The following PTPRD variants were observed in gnomAD, a reference collection of about 807,000 sequenced individuals.
The protein encoded by PTPRD is protein tyrosine phosphatase receptor type D, also known as receptor-type tyrosine-protein phosphatase delta.
In PTPRD, 34 loss-of-function variants were observed where a neutral mutation model predicts 214.5. The ratio of observed to expected loss-of-function variants is 0.16; its 90% CI spans 0.12 to 0.21. The LOEUF (loss-of-function observed/expected upper bound fraction) is 0.21, where lower values mean the gene tolerates loss of function less well. Ranked by LOEUF, PTPRD falls within the 10% of genes least tolerant of loss-of-function variation. PTPRD has a pLI of 1.00. For synonymous variants in PTPRD, 1,128 were observed against 845.7 expected (o/e 1.33, Z -5.79); for missense variants, 2,545 against 2,398.7 (o/e 1.06, Z -1.27).
At chr9:10,278,313 G>C (rs1023135020) in intron 3 of PTPRD, among the ~76,000 whole-genome samples, 2 of 152,150 alleles carry the variant, frequency 1.3e-5, no homozygotes, top group African/African-American at 4.8e-5. Flanking sequence ...ACATATGATA[G>C]TCTATGCCTG....
chr9:9,453,652 T>C (rs1176118005), intron 8 of PTPRD, among the ~76,000 whole-genome samples: 5 of 151,756 alleles, frequency 3.3e-5, no homozygotes, highest in African/African-American at 9.7e-5. Context: ...TTGTTTACTG[T>C]TCTCTTCAAT....
intron 3 of PTPRD, among the ~76,000 whole-genome samples, chr9:10,104,085 G>T (rs1044764558): frequency 6.6e-6 from 1 of 151,710 alleles, no homozygotes; most frequent in African/African-American, 2.4e-5. Flanking sequence ...AATACTGTTC[G>T]ATTCCACTTA....
In PTPRD at chr9:8,494,389, T is replaced by C. The variant is rs188223429; in HGVS notation, c.2350-1410A>G. Among the ~76,000 whole-genome samples the C allele has an allele frequency of 8.5e-5, 13 of 152,324 alleles. No individual in the cohort carries two copies. In the East Asian group the frequency reaches 1.5e-3, roughly 18 times the overall value. ...ATAAATGGACTATTTGGGAGAAATG[T>C]TGTATTTCCAGGACCTTGGAATGGT... On this transcript the variant is annotated intron_variant, in intron 26 of 45. Transcript: ENST00000381196.
intron 8 of PTPRD, among the ~76,000 whole-genome samples, chr9:9,532,780 C>T (rs757079458): frequency 5.3e-5 from 8 of 152,124 alleles, no homozygotes; most frequent in Admixed American, 2.0e-4. Flanking sequence ...CAGAAGTACA[C>T]ATTAGCACCC....
chr9:10,198,680 T>C (rs1266865301), intron 3 of PTPRD, among the ~76,000 whole-genome samples: 1 of 152,146 alleles, frequency 6.6e-6, no homozygotes, highest in Non-Finnish European at 1.5e-5. Flanking sequence ...GATAAACAAC[T>C]GAAAAGGTTT....
At chr9:10,003,192 A>G (rs939314543) in intron 4 of PTPRD, among the ~76,000 whole-genome samples, 3 of 151,978 alleles carry the variant, frequency 2.0e-5, no homozygotes, top group South Asian at 2.1e-4. Context: ...ATGGAATTGA[A>G]AGGATATGAC....
At chr9:9,537,991 T>G (rs828826) in intron 8 of PTPRD, among the ~76,000 whole-genome samples, 53,875 of 151,580 alleles carry the variant, frequency 0.36, 9,908 homozygotes, top group African/African-American at 0.43. Flanking sequence ...TTTTACAATC[T>G]CCCCTACTAC....
intron 11 of PTPRD, among the ~76,000 whole-genome samples, chr9:8,934,562 A>G (rs909221858): frequency 7.7e-6 from 1 of 130,492 alleles, no homozygotes. Flanking sequence ...CTTGATATAC[A>G]TTGTGAAATG....
chr9:9,438,604 G>A lies in PTPRD; in HGVS notation c.-236-41122C>T, dbSNP rs557635636. 2.0e-5 allele frequency among the ~76,000 whole-genome samples: 3 copies of A among 152,234 alleles called. No individual in the cohort carries two copies. In the South Asian group the frequency reaches 6.2e-4, roughly 32 times the overall value. ...CCAACCAAAGCATCTATCCCTCTAA[G>A]TCTCTGGACTATGATGCCGAGCTTT... On this transcript the variant is annotated intron_variant, in intron 8 of 45. Transcript: ENST00000381196.
chr9:8,341,241 A>C lies in PTPRD; in HGVS notation c.4975T>G (p.Ser1659Ala). The C allele has an allele frequency of 1.2e-6, 2 of 1,611,216 alleles. No homozygotes were observed. Among genetic ancestry groups the C allele is most frequent in the Non-Finnish European group, 1.7e-6 (2 of 1,178,636 alleles). Residue 1659 changes from serine to alanine, a missense_variant, in exon 41 of 46, where the codon TCA becomes GCA. Physicochemically the swap from Ser to Ala is moderately conservative, Grantham distance 99. Transcript: ENST00000381196. ...KRLASSKAHT[S>A]RFISANLPCN... is the part of the protein sequence containing the mutation. ...GGAAGATTGGCACTGATAAACCTTG[A>C]GGTGTGAGCTTTTGAGCTGGCTAGA...
chr9:9,030,292 T>G, intron 10 of PTPRD, among the ~76,000 whole-genome samples: 1 of 144,750 alleles, frequency 6.9e-6, no homozygotes, highest in Non-Finnish European at 1.5e-5. Flanking sequence ...TTTTTTTTTT[T>G]TTTTTTTTTT....
chr9:10,128,504 C>T (rs991858273), intron 3 of PTPRD, among the ~76,000 whole-genome samples: 1 of 152,098 alleles, frequency 6.6e-6, no homozygotes, highest in Non-Finnish European at 1.5e-5. Context: ...ACAGAGCCTT[C>T]CCTCATGGCC....
intron 4 of PTPRD, among the ~76,000 whole-genome samples, chr9:9,951,582 C>G (rs1285901794): frequency 1.3e-5 from 2 of 152,242 alleles, no homozygotes; most frequent in Admixed American, 1.3e-4. Context: ...AAAGTTTCCC[C>G]TCCCCTTGCC....
At chr9:9,829,947 T>C (rs2054260926) in intron 5 of PTPRD, among the ~76,000 whole-genome samples, 2 of 151,828 alleles carry the variant, frequency 1.3e-5, no homozygotes, top group Non-Finnish European at 2.9e-5. Flanking sequence ...TTTTACTGAG[T>C]GCTTACAATA....
At chr9:8,862,835 C>A (rs1014967836) in intron 11 of PTPRD, among the ~76,000 whole-genome samples, 1 of 151,888 alleles carries the variant, frequency 6.6e-6, no homozygotes, top group African/African-American at 2.4e-5. Flanking sequence ...AAGCAAACAC[C>A]GCATATTCTC....
chr9:10,105,834 C>A (rs931340143), intron 3 of PTPRD, among the ~76,000 whole-genome samples: 2 of 151,242 alleles, frequency 1.3e-5, no homozygotes, highest in African/African-American at 4.9e-5. Context: ...ATTTCAGGAC[C>A]CCTGCAATAG....
chr9:10,324,941 A>G (rs2096617171), intron 3 of PTPRD, among the ~76,000 whole-genome samples: 1 of 151,992 alleles, frequency 6.6e-6, no homozygotes, highest in Non-Finnish European at 1.5e-5. Flanking sequence ...ATCTTAATCA[A>G]TATATAATGT....
At chr9:8,489,390 G>A (rs2097102838) in intron 27 of PTPRD, among the ~76,000 whole-genome samples, 1 of 152,146 alleles carries the variant, frequency 6.6e-6, no homozygotes, top group African/African-American at 2.4e-5. Flanking sequence ...TGTACAGGAG[G>A]ATCTCAGTCT....
chr9:9,458,534 T>C (rs1040186341), intron 8 of PTPRD, among the ~76,000 whole-genome samples: 1 of 152,040 alleles, frequency 6.6e-6, no homozygotes, highest in East Asian at 1.9e-4. Context: ...GTGAAAAATA[T>C]TGTGTCAGGA....
Sources: gnomAD v4.1 joint callset for allele counts (sites outside exome capture counted in the v4.1 genomes callset) on GRCh38, gnomAD v4.1.1 for gene constraint, MANE v1.5 for transcripts, NCBI Gene and HGNC (gene_info 2026-07-23, HGNC 2026-07-21) for gene names.